RNF43: variants seen among roughly 807,000 people sequenced by gnomAD.
RNF43 encodes E3 ubiquitin-protein ligase RNF43.
A neutral mutation model predicts 78.4 loss-of-function variants in RNF43; 37 were observed. That is an observed-to-expected ratio of 0.47 (90% CI 0.36 to 0.62). RNF43 has a LOEUF of 0.62. Ranked by LOEUF, RNF43 falls within the 20% of genes least tolerant of loss-of-function variation. The pLI is 0.00. For synonymous variants in RNF43, 347 were observed against 395.0 expected (o/e 0.88, Z 1.44); for missense variants, 774 against 1,007.9 (o/e 0.77, Z 3.14).
chr17:58,392,139 T>G (rs1973573603), intron 2 of RNF43, among the ~76,000 whole-genome samples: 1 of 152,210 alleles, frequency 6.6e-6, no homozygotes, highest in South Asian at 2.1e-4. Flanking sequence ...CCACGGGATA[T>G]GCACACAATT....
chr17:58,406,637 T>G (rs1452149030), intron 2 of RNF43, among the ~76,000 whole-genome samples: 3 of 152,122 alleles, frequency 2.0e-5, no homozygotes, highest in Non-Finnish European at 4.4e-5. Context: ...GTAGAAGATA[T>G]TAAAATGAGG....
intron 3 of RNF43, among the ~76,000 whole-genome samples, chr17:58,369,068 T>TACACACACAC (rs369670104): frequency 6.9e-6 from 1 of 144,936 alleles, no homozygotes; most frequent in African/African-American, 2.5e-5. Flanking sequence ...CTCTCTCTCA[T>TACACACACAC]ACACACACAC....
chr17:58,415,702 A>AAACTAC lies in RNF43; in HGVS notation c.-126_-125insGTAGTT. 8.3e-7 allele frequency: 1 copy of AAACTAC among 1,204,396 alleles called. No individual in the cohort carries two copies. The highest frequency in any genetic ancestry group is 1.1e-6 in the Non-Finnish European group (1 of 876,890). 74.6% of individuals were successfully genotyped at this position (1,204,396 alleles called of 1,614,324 possible). A position where few individuals can be genotyped will look rare whatever the true frequency, so the allele number is the denominator to read the frequency against. On this transcript the variant is annotated 5_prime_UTR_variant, in exon 2 of 10. Transcript: ENST00000407977. ...TTTATGCTTCCGTTTCAGAAAGCCA[A>AAACTAC]GTCGTAGTTTTGGCCCTTCCTTTCT...
intron 2 of RNF43, among the ~76,000 whole-genome samples, chr17:58,394,159 CAA>C (rs1421405752): frequency 3.9e-5 from 6 of 152,132 alleles, no homozygotes; most frequent in African/African-American, 1.4e-4. Context: ...TGAGGAAAGA[CAA>C]GAGTTCAGTT....
chr17:58,393,227 G>A (rs1973597250), intron 2 of RNF43, among the ~76,000 whole-genome samples: 1 of 152,138 alleles, frequency 6.6e-6, no homozygotes, highest in Non-Finnish European at 1.5e-5. Flanking sequence ...AATCAAAATG[G>A]TGAAACCCCA....
chr17:58,390,925 A>G (rs1184449341), intron 2 of RNF43, among the ~76,000 whole-genome samples: 2 of 152,362 alleles, frequency 1.3e-5, no homozygotes, highest in East Asian at 3.9e-4. Flanking sequence ...GTAAACTCCC[A>G]TAGAAACTCA....
chr17:58,388,765 C>G (rs568718627), intron 2 of RNF43, among the ~76,000 whole-genome samples: 5 of 152,116 alleles, frequency 3.3e-5, no homozygotes, highest in Non-Finnish European at 7.4e-5. Context: ...AAAAAATAGC[C>G]ACAGGATCTA....
Position 58,358,726 on chromosome 17 carries a change from G to A in RNF43, c.1050C>T (p.His350=), listed in dbSNP as rs1020581544. The change falls in exon 9 of 10, where the codon CAC becomes CAT. Residue 350 remains histidine, a synonymous_variant. Transcript: ENST00000407977. The surrounding 1 kb of genome is among the most constrained non-coding windows in gnomAD (Gnocchi z 6.2). ...HLIRQHPGHA[H]YHLPAAYLLG... is the part of the protein sequence containing the mutation. Reference sequence around the variant, plus strand: ...ACAGGTAGGCAGCAGGGAGGTGGTAGTGGGCATGGCCGGGATGCTGGCGAA... The same window carrying A: ...ACAGGTAGGCAGCAGGGAGGTGGTAATGGGCATGGCCGGGATGCTGGCGAA... The A allele has an allele frequency of 2.6e-6, 4 of 1,557,010 alleles. No individual in the cohort carries two copies. Among genetic ancestry groups the A allele is most frequent in the Non-Finnish European group, 3.5e-6 (4 of 1,149,238 alleles).
At chr17:58,380,826 T>C (rs1350403343) in intron 2 of RNF43, among the ~76,000 whole-genome samples, 2 of 152,234 alleles carry the variant, frequency 1.3e-5, no homozygotes, top group Non-Finnish European at 2.9e-5. Context: ...CTTAGTCTCC[T>C]GCTCAGAGGC....
rs2143402627 is a variant in RNF43, at chr17:58,358,062, C to T, written c.1714G>A (p.Glu572Lys). ...GGCCTGGACTGGGGGACTCCGGTTT[C>T]TGGGCCAGGCTTCCTGCCATGCCAC... ...FQWHGRKPGP[E>K]TGVPQSRPPI... Residue 572 changes from glutamate (E) to lysine (K), a missense_variant, in exon 9 of 10, where the codon GAA becomes AAA. By Grantham distance (56) the Glu-to-Lys change is moderately conservative (BLOSUM62 1). Coordinates refer to ENST00000407977, the MANE Select transcript of RNF43 (RefSeq NM_017763.6). The surrounding 1 kb of genome is among the most constrained non-coding windows in gnomAD (Gnocchi z 6.2). 1 of 1,592,352 alleles carries T rather than the reference C, an allele frequency of 6.3e-7. No homozygotes were observed. The highest frequency in any genetic ancestry group is 8.6e-7 in the Non-Finnish European group (1 of 1,169,396).
At chr17:58,386,255 G>A (rs1187371509) in intron 2 of RNF43, among the ~76,000 whole-genome samples, 4 of 151,968 alleles carry the variant, frequency 2.6e-5, no homozygotes, top group Non-Finnish European at 4.4e-5. Context: ...GTGAAACCCT[G>A]TCTCTACTAA....
chr17:58,404,406 T>C (rs1176093468), intron 2 of RNF43, among the ~76,000 whole-genome samples: 3 of 152,212 alleles, frequency 2.0e-5, no homozygotes, highest in Admixed American at 6.5e-5. Flanking sequence ...AGTGACTTGC[T>C]TTTACTTAAA....
At chr17:58,399,969 A>G (rs556293568) in intron 2 of RNF43, among the ~76,000 whole-genome samples, 3 of 152,126 alleles carry the variant, frequency 2.0e-5, no homozygotes, top group Non-Finnish European at 2.9e-5. Context: ...AATACTCTAA[A>G]TTTTCAAAAA....
intron 2 of RNF43, among the ~76,000 whole-genome samples, chr17:58,398,832 T>C (rs1204165202): frequency 6.6e-6 from 1 of 152,242 alleles, no homozygotes; most frequent in Non-Finnish European, 1.5e-5. Flanking sequence ...ATAACAGTGA[T>C]AGTGAATGTT....
Position 58,354,914 on chromosome 17 carries a change from A to G in RNF43, c.*29T>C. ...TAGGGCCCAAACACATCTGGAGCAC[A>G]CTCTTGGTTGGAGCTAGGCCTGAAC... is the stretch of plus-strand genomic sequence containing the variant. On this transcript the variant is annotated 3_prime_UTR_variant, in exon 10 of 10. Coordinates refer to ENST00000407977, the MANE Select transcript of RNF43 (RefSeq NM_017763.6). The G allele has an allele frequency of 6.2e-7, 1 of 1,611,224 alleles. No homozygotes were observed. The highest frequency in any genetic ancestry group is 1.1e-5 in the South Asian group (1 of 90,996).
intron 3 of RNF43, among the ~76,000 whole-genome samples, chr17:58,367,415 T>C (rs749516442): frequency 2.6e-5 from 4 of 152,194 alleles, no homozygotes; most frequent in African/African-American, 4.8e-5. Flanking sequence ...AAACTGAGGC[T>C]CAGAGGAACT....
chr17:58,354,227 C>T lies in RNF43; in HGVS notation c.*716G>A, dbSNP rs773108595. On this transcript the variant is annotated 3_prime_UTR_variant, in exon 10 of 10. Transcript: ENST00000407977. Reference sequence around the variant, plus strand: ...ATTCCTCCTTTCTACCTCTCTGGGACTCTGAGACAGGAAATCTTCAAGGAG... The same window carrying T: ...ATTCCTCCTTTCTACCTCTCTGGGATTCTGAGACAGGAAATCTTCAAGGAG... 1.5e-5 allele frequency: 3 copies of T among 202,818 alleles called. No homozygotes were observed. Among genetic ancestry groups the T allele is most frequent in the Non-Finnish European group, 3.0e-5 (3 of 98,790 alleles). 12.6% of individuals were successfully genotyped at this position (202,818 alleles called of 1,614,324 possible).
chr17:58,415,882 G>A lies in RNF43; in HGVS notation c.-305C>T, dbSNP rs985452370. On this transcript the variant is annotated 5_prime_UTR_variant, in exon 2 of 10. Coordinates refer to ENST00000407977, the MANE Select transcript of RNF43 (RefSeq NM_017763.6). ...CTCTTTGGAATTTCCAACTTTGCTT[G>A]TGATTGAATGTCACTTCGTGAATTT... 9.0e-6 allele frequency: 4 copies of A among 446,326 alleles called. No individual in the cohort carries two copies. The highest frequency in any genetic ancestry group is 1.6e-5 in the Non-Finnish European group (4 of 244,846). The allele number at this position is 446,326 out of a possible 1,614,324, so 27.6% of individuals were successfully genotyped here. A position where few individuals can be genotyped will look rare whatever the true frequency, so the allele number is the denominator to read the frequency against.
At chr17:58,392,826 G>A (rs1303928268) in intron 2 of RNF43, among the ~76,000 whole-genome samples, 1 of 152,226 alleles carries the variant, frequency 6.6e-6, no homozygotes, top group Non-Finnish European at 1.5e-5. Context: ...CTAACTTGCT[G>A]GTTAATGTTG....
Sources: gnomAD v4.1 joint callset for allele counts (sites outside exome capture counted in the v4.1 genomes callset) on GRCh38, gnomAD v4.1.1 for gene constraint, Gnocchi (gnomAD v3.1) non-coding constraint, MANE v1.5 for transcripts, NCBI Gene and HGNC (gene_info 2026-07-23, HGNC 2026-07-21) for gene names.